Variants in ARHGAP39 observed in about 807,000 individuals in gnomAD.
The protein encoded by ARHGAP39 is rho GTPase-activating protein 39.
Under a neutral mutation model 106.9 loss-of-function variants are expected in ARHGAP39, and 44 were observed. The observed-to-expected ratio is 0.41, with a 90% confidence interval of 0.32 to 0.53. ARHGAP39 has a LOEUF of 0.53. ARHGAP39 is among the 20% of genes least tolerant of loss of function. ARHGAP39 has a pLI of 0.21. For missense variants in ARHGAP39, 1,496 were observed against 1,577.3 expected, an observed-to-expected ratio of 0.95 and a Z score of 0.87; for synonymous variants, 768 against 693.2, an observed-to-expected ratio of 1.11 and a Z score of -1.69.
rs1456529322 is a variant in ARHGAP39 at position 144,591,790 on chromosome 8, G to C, written c.81-10513C>G. Among the ~76,000 whole-genome samples, 1 of 152,222 alleles carries C rather than the reference G, an allele frequency of 6.6e-6. No individual in the cohort carries two copies. The highest frequency in any genetic ancestry group is 1.5e-5 in the Non-Finnish European group (1 of 68,038). On this transcript the variant is annotated intron_variant, in intron 2 of 11. Transcript: ENST00000377307. This position sits in a 1 kb window ranked among gnomAD's most constrained non-coding sequence, Gnocchi z 5.3. Reference sequence around the variant, plus strand: ...CGCGGTGAGCAGTGAGGTGCCCTCGGCAACAGCACAGCCTCCCTGCCTGGA... The same window carrying C: ...CGCGGTGAGCAGTGAGGTGCCCTCGCCAACAGCACAGCCTCCCTGCCTGGA...
At chr8:144,608,784 T>G (rs1426692779) in intron 1 of ARHGAP39, among the ~76,000 whole-genome samples, 2 of 152,240 alleles carry the variant, frequency 1.3e-5, no homozygotes, top group Non-Finnish European at 2.9e-5. Flanking sequence ...TAGTTTTTAG[T>G]GTACAAATCT....
chr8:144,601,473 T>A lies in ARHGAP39; in HGVS notation c.80+4062A>T, dbSNP rs567587502. 5.7e-5 allele frequency among the ~76,000 whole-genome samples: 8 copies of A among 140,890 alleles called. No homozygotes were observed. The South Asian group carries it at 1.9e-3, about 33-fold the overall frequency. 92.4% of individuals were successfully genotyped at this position (140,890 alleles called of 152,430 possible). On this transcript the variant is annotated intron_variant, in intron 2 of 11. Transcript: ENST00000377307. ...GTGTGCATGTGCGTGGAGGTGTGTG[T>A]GCGAGCTCATGTACCTGTGTGTGTG... is the stretch of plus-strand genomic sequence containing the variant.
intron 3 of ARHGAP39, among the ~76,000 whole-genome samples, chr8:144,562,725 C>T (rs1245055424): frequency 1.3e-5 from 2 of 151,270 alleles, no homozygotes; most frequent in Non-Finnish European, 2.9e-5. Context: ...CGGACTCACT[C>T]CAGTGGTTTC....
At position 144,585,287 on chromosome 8, in the gene ARHGAP39, A is replaced by T. The variant is rs1334706545; in HGVS notation, c.81-4010T>A. ...TCACCTGTCTCCCTTCCTTCTCTCC[A>T]TGGACATCCCAAATCACCACAGAGA... On this transcript the variant is annotated intron_variant, in intron 2 of 11. Coordinates refer to ENST00000377307, the MANE Select transcript of ARHGAP39 (RefSeq NM_025251.3). The surrounding 1 kb of genome is among the most constrained non-coding windows in gnomAD (Gnocchi z 4.6). Among the ~76,000 whole-genome samples, 1 of 151,268 alleles carries T rather than the reference A, an allele frequency of 6.6e-6. No individual in the cohort carries two copies. Among genetic ancestry groups the T allele is most frequent in the African/African-American group, 2.4e-5 (1 of 41,172 alleles).
the ARHGAP39 span, among the ~76,000 whole-genome samples, chr8:144,693,039 G>A: frequency 3.4e-5 from 5 of 148,982 alleles, no homozygotes; most frequent in East Asian, 6.0e-4. Context: ...GATTACAGGC[G>A]TGAGCCACTG....
intron 7 of ARHGAP39, 28 bp from the exon 8 acceptor site, chr8:144,534,230 T>TGATGTGGG: frequency 6.2e-7 from 1 of 1,611,738 alleles, no homozygotes; most frequent in Non-Finnish European, 8.5e-7. Context: ...CTGATCAGCC[T>TGATGTGGG]GATGTGGGTG....
At chr8:144,559,013 C>A (rs1230652161) in intron 3 of ARHGAP39, among the ~76,000 whole-genome samples, 1 of 152,050 alleles carries the variant, frequency 6.6e-6, no homozygotes, top group Non-Finnish European at 1.5e-5. Flanking sequence ...TTGAGACCAG[C>A]CTGGCCAATA....
At position 144,671,946 on chromosome 8, in the gene ARHGAP39, G is replaced by A. The variant is rs1822111215; in HGVS notation, c.-82+13740C>T. ...GGTGTGAGAGCCCTGCCAGAGCAAT[G>A]GAGACAGGCTCCGCCCAAGTGAGGC... On this transcript the variant is annotated intron_variant, in intron 1 of 11. Transcript: ENST00000377307. The surrounding 1 kb of genome is among the most constrained non-coding windows in gnomAD (Gnocchi z 4.5). Among the ~76,000 whole-genome samples the A allele has an allele frequency of 6.6e-6, 1 of 152,228 alleles. No individual in the cohort carries two copies.
chr8:144,532,520 C>T (rs1816770333), intron 9 of ARHGAP39, 124 bp from the exon 10 acceptor site: 1 of 801,960 alleles, frequency 1.2e-6, no homozygotes, highest in Non-Finnish European at 2.0e-6. Flanking sequence ...TCAGGACCCC[C>T]CGCCACCCCG....
At chr8:144,619,452 T>C (rs1820727461) in intron 1 of ARHGAP39, among the ~76,000 whole-genome samples, 1 of 148,124 alleles carries the variant, frequency 6.8e-6, no homozygotes, top group African/African-American at 2.5e-5. Flanking sequence ...GCAGGTATGC[T>C]CGTGTGCGCG....
In ARHGAP39 at chr8:144,645,715, T is replaced by C. The variant is rs566478088; in HGVS notation, c.-82+39971A>G. On this transcript the variant is annotated intron_variant, in intron 1 of 11. Coordinates refer to ENST00000377307, the MANE Select transcript of ARHGAP39 (RefSeq NM_025251.3). This position sits in a 1 kb window ranked among gnomAD's most constrained non-coding sequence, Gnocchi z 4.4. The stretch of plus-strand genomic sequence containing the variant: ...AAAAAACCATCCCCAAACCCAGACG[T>C]GCTCTCAGGAAGCAGAGCGATACAC... 9.2e-4 allele frequency among the ~76,000 whole-genome samples: 140 copies of C among 152,374 alleles called. 1 individual carries two copies. Among genetic ancestry groups the C allele is most frequent in the African/African-American group, 3.3e-3 (139 of 41,584 alleles).
chr8:144,697,743 C>T, the ARHGAP39 span, among the ~76,000 whole-genome samples: 2,953 of 152,200 alleles, frequency 0.019, 90 homozygotes, highest in African/African-American at 0.067. Context: ...CTGCCTGCCT[C>T]GGCCTCCCAA....
intron 3 of ARHGAP39, among the ~76,000 whole-genome samples, chr8:144,570,545 G>T (rs550315422): frequency 6.6e-6 from 1 of 152,302 alleles, no homozygotes; most frequent in South Asian, 2.1e-4. Flanking sequence ...GAAAAGTCTA[G>T]CAGGAAAACG....
intron 1 of ARHGAP39, among the ~76,000 whole-genome samples, chr8:144,612,008 TAAAA>T (rs554351101): frequency 2.7e-5 from 3 of 109,794 alleles, no homozygotes; most frequent in Non-Finnish European, 3.9e-5. Context: ...AAACTCCATG[TAAAA>T]AAAAAAAAAA....
intron 9 of ARHGAP39, 40 bp from the exon 10 acceptor site, chr8:144,532,436 T>A: frequency 6.4e-7 from 1 of 1,563,308 alleles, no homozygotes; most frequent in Non-Finnish European, 8.8e-7. Context: ...CAGGAGCCTG[T>A]GCTGCGGCTT....
intron 1 of ARHGAP39, among the ~76,000 whole-genome samples, chr8:144,629,798 G>T (rs1257975928): frequency 6.6e-6 from 1 of 152,088 alleles, no homozygotes; most frequent in African/African-American, 2.4e-5. Flanking sequence ...GGTGGCCGGG[G>T]GACTTTAAGC....
intron 4 of ARHGAP39, 67 bp downstream of exon 4, chr8:144,555,493 G>A (rs1817881417): frequency 1.4e-6 from 2 of 1,391,844 alleles, no homozygotes; most frequent in Non-Finnish European, 2.0e-6. Flanking sequence ...CCCACTTGCA[G>A]TTAGCCTGGC....
chr8:144,648,949 G>C (rs927950970), intron 1 of ARHGAP39, among the ~76,000 whole-genome samples: 1 of 151,870 alleles, frequency 6.6e-6, no homozygotes, highest in South Asian at 2.1e-4. Flanking sequence ...AAGAATCAGA[G>C]GGCAAGAGCA....
chr8:144,537,411 A>T (rs915540631), intron 7 of ARHGAP39, among the ~76,000 whole-genome samples: 3 of 152,006 alleles, frequency 2.0e-5, no homozygotes, highest in South Asian at 4.1e-4. Context: ...TCAGGCCCAA[A>T]CACTCACCTG....
Sources: allele counts gnomAD v4.1 joint callset (sites outside exome capture counted in the v4.1 genomes callset), GRCh38; gene constraint gnomAD v4.1.1; non-coding constraint Gnocchi (gnomAD v3.1); transcripts MANE v1.5; gene names NCBI Gene and HGNC (gene_info 2026-07-23, HGNC 2026-07-21).